Variants in ZFHX3 observed in about 807,000 individuals in gnomAD.
ZFHX3 encodes zinc finger homeobox 3.
In ZFHX3, 42 loss-of-function variants were observed where a neutral mutation model predicts 279.1. That is an observed-to-expected ratio of 0.15 (90% CI 0.12 to 0.19). The LOEUF is 0.19. Ranked by LOEUF, ZFHX3 falls within the 10% of genes least tolerant of loss-of-function variation. The pLI, the probability that ZFHX3 is intolerant of heterozygous loss-of-function variation, is 1.00. For missense variants in ZFHX3, 4,981 were observed against 4,754.0 expected, an observed-to-expected ratio of 1.05 and a Z score of -1.40; for synonymous variants, 2,293 against 1,957.8, an observed-to-expected ratio of 1.17 and a Z score of -4.52.
At chr16:72,954,252 C>T (rs938963573) in intron 2 of ZFHX3, among the ~76,000 whole-genome samples, 1 of 152,158 alleles carries the variant, frequency 6.6e-6, no homozygotes, top group Non-Finnish European at 1.5e-5. Flanking sequence ...TGCCTGTAAT[C>T]CCAGCTACTC....
At chr16:72,990,635 T>C (rs1259223437) in intron 1 of ZFHX3, among the ~76,000 whole-genome samples, 1 of 152,204 alleles carries the variant, frequency 6.6e-6, no homozygotes, top group Non-Finnish European at 1.5e-5. Context: ...TTTTGTCTAA[T>C]AATGTACCCA....
intron 4 of ZFHX3, among the ~76,000 whole-genome samples, chr16:73,270,188 T>G (rs990666769): frequency 4.6e-5 from 7 of 152,246 alleles, no homozygotes; most frequent in Admixed American, 1.3e-4. Context: ...GTTGTGATTT[T>G]AGATTGCATT....
At chr16:73,435,263 C>T (rs2017976764) in intron 3 of ZFHX3, among the ~76,000 whole-genome samples, 1 of 152,154 alleles carries the variant, frequency 6.6e-6, no homozygotes, top group Admixed American at 6.5e-5. Flanking sequence ...AGCTGGAGTG[C>T]AGTGATGCGA....
At chr16:73,739,271 G>A (rs2053633638) in intron 1 of ZFHX3, among the ~76,000 whole-genome samples, 1 of 152,190 alleles carries the variant, frequency 6.6e-6, no homozygotes, top group Non-Finnish European at 1.5e-5. Context: ...TGACTCAGTG[G>A]TTGGAATCCA....
intron 1 of ZFHX3, among the ~76,000 whole-genome samples, chr16:73,878,385 C>T (rs1487880332): frequency 6.6e-6 from 1 of 152,018 alleles, no homozygotes; most frequent in Admixed American, 6.5e-5. Context: ...GGGGTTCAGC[C>T]AAGAAGAACC....
At chr16:73,363,827 A>G (rs182400155) in intron 3 of ZFHX3, among the ~76,000 whole-genome samples, 1 of 152,288 alleles carries the variant, frequency 6.6e-6, no homozygotes, top group Admixed American at 6.5e-5. Context: ...AGCTGTAGAA[A>G]TGTACACCAT....
intron 2 of ZFHX3, among the ~76,000 whole-genome samples, chr16:73,575,400 C>A (rs2051789508): frequency 6.6e-6 from 1 of 152,160 alleles, no homozygotes; most frequent in Admixed American, 6.5e-5. Context: ...TTTGTTTCCT[C>A]TGTATGTTGA....
chr16:72,829,990 C>T, intron 4 of ZFHX3, 131 bp from the exon 5 acceptor site: 6 of 882,102 alleles, frequency 6.8e-6, no homozygotes, highest in Middle Eastern at 2.2e-4. Context: ...TTCCAGAGGC[C>T]CCTGGGAGAC....
chr16:73,860,819 C>G (rs1295126330), intron 1 of ZFHX3, among the ~76,000 whole-genome samples: 20 of 152,104 alleles, frequency 1.3e-4, no homozygotes, highest in Non-Finnish European at 2.9e-4. Context: ...ATAAAAGCCT[C>G]AACAACAAGT....
intron 3 of ZFHX3, among the ~76,000 whole-genome samples, chr16:72,947,688 T>C (rs577456066): frequency 1.8e-4 from 28 of 151,944 alleles, no homozygotes; most frequent in African/African-American, 4.3e-4. Flanking sequence ...CATGAATAAT[T>C]TGCCAGGGAA....
At chr16:72,863,419 G>A (rs1216077549) in intron 4 of ZFHX3, among the ~76,000 whole-genome samples, 1 of 151,024 alleles carries the variant, frequency 6.6e-6, no homozygotes, top group Non-Finnish European at 1.5e-5. Context: ...TCAGGAGACT[G>A]AGGCAGGAGG....
intron 5 of ZFHX3, among the ~76,000 whole-genome samples, chr16:72,815,576 A>G (rs1012458819): frequency 1.3e-5 from 2 of 152,232 alleles, no homozygotes; most frequent in Non-Finnish European, 2.9e-5. Context: ...ACTAGCATAC[A>G]TCGTGGGCAT....
At chr16:72,927,490 G>C (rs1413650791) in intron 3 of ZFHX3, among the ~76,000 whole-genome samples, 1 of 152,184 alleles carries the variant, frequency 6.6e-6, no homozygotes, top group Non-Finnish European at 1.5e-5. Context: ...CAGGTGATGG[G>C]GGAAGTGACA....
intron 7 of ZFHX3, among the ~76,000 whole-genome samples, chr16:73,100,454 ATTTGG>A (rs1177568526): frequency 6.6e-6 from 1 of 152,222 alleles, no homozygotes; most frequent in African/African-American, 2.4e-5. Flanking sequence ...CTTTGGCAGA[ATTTGG>A]TTCTCAGAAA....
intron 2 of ZFHX3, among the ~76,000 whole-genome samples, chr16:73,659,923 G>A (rs2052763107): frequency 6.6e-6 from 1 of 152,122 alleles, no homozygotes; most frequent in East Asian, 1.9e-4. Flanking sequence ...TTAGATTGAT[G>A]GAGCGAGGTT....
At chr16:73,486,834 GGGT>G (rs1256137748) in intron 2 of ZFHX3, 17 of 455,948 alleles carry the variant, frequency 3.7e-5, no homozygotes, top group Middle Eastern at 3.3e-4. Context: ...CTGCACTTTA[GGGT>G]CTCAGGCTTT....
chr16:73,534,118 C>G (rs2019853593), intron 2 of ZFHX3, among the ~76,000 whole-genome samples: 1 of 152,142 alleles, frequency 6.6e-6, no homozygotes, highest in South Asian at 2.1e-4. Flanking sequence ...GCAAGGTGAT[C>G]TAACACCCAC....
intron 5 of ZFHX3, among the ~76,000 whole-genome samples, chr16:73,172,943 T>TC: frequency 6.8e-6 from 1 of 148,136 alleles, no homozygotes; most frequent in East Asian, 2.0e-4. Context: ...TTTTTTTTTT[T>TC]TTTTTCTTTC....
chr16:73,732,258 T>A (rs1309555316), intron 1 of ZFHX3, among the ~76,000 whole-genome samples: 1 of 152,216 alleles, frequency 6.6e-6, no homozygotes, highest in Non-Finnish European at 1.5e-5. Context: ...GCTTTGTTAC[T>A]GAGAAAAGAA....
Sources: gnomAD v4.1 joint callset for allele counts (sites outside exome capture counted in the v4.1 genomes callset) on GRCh38, gnomAD v4.1.1 for gene constraint, MANE v1.5 for transcripts, NCBI Gene and HGNC (gene_info 2026-07-23, HGNC 2026-07-21) for gene names.